The following ATP1B3 variants were observed in gnomAD, a reference collection of about 807,000 sequenced individuals.
ATP1B3 encodes ATPase Na+/K+ transporting subunit beta 3, also known as sodium/potassium-transporting ATPase subunit beta-3.
ATP1B3 carries 10 observed loss-of-function variants against 30.2 expected under a neutral mutation model. That is an observed-to-expected ratio of 0.33 (90% CI 0.20 to 0.56). The LOEUF (loss-of-function observed/expected upper bound fraction) is 0.56. Among genes scored for constraint, ATP1B3 ranks in the 20% least tolerant of loss-of-function variants. The pLI, the probability that ATP1B3 is intolerant of heterozygous loss-of-function variation, is 0.90. For missense variants in ATP1B3, 238 were observed against 336.7 expected, an observed-to-expected ratio of 0.71 and a Z score of 2.29; for synonymous variants, 113 against 117.0, an observed-to-expected ratio of 0.97 and a Z score of 0.22.
Position 141,926,255 on chromosome 3 carries a change from TTTTTGA to T in ATP1B3, c.*557_*562del, listed in dbSNP as rs1320839437. Reference sequence around the variant, plus strand: ...TTTACATGCTGAATTAGCCTCGATCTTTTTGATTAAGAGCACAAACTTTTTTTTGTA... The same window carrying T: ...TTTACATGCTGAATTAGCCTCGATCTTTAAGAGCACAAACTTTTTTTTGTA... On this transcript the variant is annotated 3_prime_UTR_variant, in exon 7 of 7. Transcript: ENST00000286371. The T allele has an allele frequency of 6.6e-6, 1 of 151,792 alleles. No individual in the cohort carries two copies. The highest frequency in any genetic ancestry group is 2.4e-5 in the African/African-American group (1 of 41,342). 9.4% of individuals were successfully genotyped at this position (151,792 alleles called of 1,614,324 possible).
intron 1 of ATP1B3, among the ~76,000 whole-genome samples, chr3:141,889,744 A>ATATATATATAT (rs1329331021): frequency 3.0e-5 from 3 of 98,500 alleles, no homozygotes; most frequent in African/African-American, 1.2e-4. Flanking sequence ...AAAAAAAAAA[A>ATATATATATAT]AAAAAAATAT....
At position 141,908,466 on chromosome 3, in the gene ATP1B3, T is replaced by G. The variant is rs183679286; in HGVS notation, c.346+1192T>G. Among the ~76,000 whole-genome samples the G allele has an allele frequency of 4.6e-5, 7 of 152,298 alleles. No homozygotes were observed. The East Asian group carries it at 1.2e-3, about 25-fold the overall frequency. On this transcript the variant is annotated intron_variant, in intron 3 of 6. Transcript: ENST00000286371. ...TTCCCTTTTATGTAGCTTAATTCCATGGTTGTTATTTCATTTTTACTTTTA... is the reference window on the plus strand; with the variant it reads ...TTCCCTTTTATGTAGCTTAATTCCAGGGTTGTTATTTCATTTTTACTTTTA...
intron 1 of ATP1B3, among the ~76,000 whole-genome samples, chr3:141,884,271 T>C (rs932192035): frequency 2.6e-5 from 4 of 152,186 alleles, no homozygotes; most frequent in Non-Finnish European, 2.9e-5. Context: ...GGGTAAGATA[T>C]GACTTTGGAA....
At chr3:141,888,218 G>A (rs1933873354) in intron 1 of ATP1B3, among the ~76,000 whole-genome samples, 1 of 152,158 alleles carries the variant, frequency 6.6e-6, no homozygotes, top group African/African-American at 2.4e-5. Context: ...CTGTGCATGG[G>A]TAAACATTCC....
chr3:141,916,181 T>C (rs1428762089), intron 5 of ATP1B3, among the ~76,000 whole-genome samples, 161 bp downstream of exon 5: 2 of 152,244 alleles, frequency 1.3e-5, no homozygotes, highest in Non-Finnish European at 2.9e-5. Context: ...TTCTCTTCCT[T>C]AATGATAATT....
rs1398989806 is a variant in ATP1B3 at position 141,907,240 on chromosome 3, A to C, written c.312A>C (p.Ala104=). 3 of 1,612,586 alleles carry C rather than the reference A, an allele frequency of 1.9e-6. No homozygotes were observed. ...TFSRSDPTSY[A]GYIEDLKKFL... is the part of the protein sequence containing the mutation. The stretch of plus-strand genomic sequence containing the variant: ...GTAGGTCTGATCCAACTTCGTATGC[A>C]GGGTACATTGAAGACCTTAAGAAGT... The change falls in exon 3 of 7, where the codon GCA becomes GCC. Residue 104 remains alanine, a synonymous_variant. Transcript: ENST00000286371.
At chr3:141,915,459 G>A (rs1220612213) in intron 4 of ATP1B3, among the ~76,000 whole-genome samples, 6 of 152,144 alleles carry the variant, frequency 3.9e-5, no homozygotes, top group Non-Finnish European at 8.8e-5. Context: ...CTACATACAC[G>A]AAAGGAGTCT....
chr3:141,905,667 ACTTTTC>A (rs1392958813), intron 2 of ATP1B3, among the ~76,000 whole-genome samples: 1 of 152,188 alleles, frequency 6.6e-6, no homozygotes, highest in Non-Finnish European at 1.5e-5. Context: ...GTTCCATGCT[ACTTTTC>A]CTTCATCTCT....
intron 4 of ATP1B3, 85 bp downstream of exon 4, chr3:141,913,921 G>GTTAA: frequency 3.1e-6 from 4 of 1,300,550 alleles, no homozygotes; most frequent in Non-Finnish European, 4.2e-6. Flanking sequence ...TTGTGGTTGG[G>GTTAA]TTAATGCCTT....
intron 4 of ATP1B3, 24 bp downstream of exon 4, chr3:141,913,860 T>C (rs1384781116): frequency 6.4e-7 from 1 of 1,567,814 alleles, no homozygotes; most frequent in South Asian, 1.2e-5. Context: ...TTACCTCTGC[T>C]GCTGCTTTTT....
At chr3:141,899,199 A>AT (rs1934118612) in intron 1 of ATP1B3, among the ~76,000 whole-genome samples, 3 of 152,240 alleles carry the variant, frequency 2.0e-5, no homozygotes, top group African/African-American at 7.2e-5. Context: ...CACTTTACAT[A>AT]TGTGAATGGT....
In ATP1B3 at chr3:141,925,960, A is replaced by T. The variant is rs35283993; in HGVS notation, c.*259A>T. The T allele has an allele frequency of 1.5e-5, 6 of 405,836 alleles. No homozygotes were observed. Among genetic ancestry groups the T allele is most frequent in the Non-Finnish European group, 2.6e-5 (6 of 229,574 alleles). The allele number at this position is 405,836 out of a possible 1,614,324, so 25.1% of individuals were successfully genotyped here. On this transcript the variant is annotated 3_prime_UTR_variant, in exon 7 of 7. Transcript: ENST00000286371. Reference sequence around the variant, plus strand: ...GAACACCTGATTCCAAACATGTAGGATGGGGGTCTTGTCCTCTTTTTATGT... The same window carrying T: ...GAACACCTGATTCCAAACATGTAGGTTGGGGGTCTTGTCCTCTTTTTATGT...
chr3:141,898,133 A>T (rs1934103047), intron 1 of ATP1B3, among the ~76,000 whole-genome samples: 1 of 152,236 alleles, frequency 6.6e-6, no homozygotes, highest in Non-Finnish European at 1.5e-5. Context: ...CCCAAACTTA[A>T]GAGCTAATTT....
chr3:141,908,298 T>G (rs1442968299), intron 3 of ATP1B3, among the ~76,000 whole-genome samples: 1 of 152,122 alleles, frequency 6.6e-6, no homozygotes, highest in Non-Finnish European at 1.5e-5. Context: ...GGCCGAGCCA[T>G]TTATGTGAAT....
chr3:141,905,295 T>C (rs964744682), intron 2 of ATP1B3, among the ~76,000 whole-genome samples: 1 of 152,154 alleles, frequency 6.6e-6, no homozygotes, highest in African/African-American at 2.4e-5. Context: ...TTTCAACCAC[T>C]GAGTCATATG....
At chr3:141,882,404 T>C (rs1933744190) in intron 1 of ATP1B3, among the ~76,000 whole-genome samples, 1 of 152,206 alleles carries the variant, frequency 6.6e-6, no homozygotes, top group Non-Finnish European at 1.5e-5. Flanking sequence ...CATTTAACAT[T>C]TAAGGAGAAT....
chr3:141,903,984 A>C (rs901933255), intron 2 of ATP1B3, among the ~76,000 whole-genome samples: 5 of 152,004 alleles, frequency 3.3e-5, no homozygotes, highest in Non-Finnish European at 5.9e-5. Context: ...GGGTTTTTCC[A>C]TGTTGGTCAG....
intron 1 of ATP1B3, among the ~76,000 whole-genome samples, chr3:141,886,955 A>G (rs1486033984): frequency 6.6e-6 from 1 of 152,192 alleles, no homozygotes; most frequent in Admixed American, 6.5e-5. Flanking sequence ...GTGAGCCATG[A>G]TTGTGCCACT....
At chr3:141,915,287 T>C (rs765451665) in intron 4 of ATP1B3, among the ~76,000 whole-genome samples, 10 of 152,220 alleles carry the variant, frequency 6.6e-5, no homozygotes, top group Non-Finnish European at 1.2e-4. Flanking sequence ...AGCAGGAGGT[T>C]TCATACCAGT....
Sources: gnomAD v4.1 joint callset for allele counts (sites outside exome capture counted in the v4.1 genomes callset) on GRCh38, gnomAD v4.1.1 for gene constraint, MANE v1.5 for transcripts, NCBI Gene and HGNC (gene_info 2026-07-23, HGNC 2026-07-21) for gene names.